Variants in SRC observed in about 807,000 individuals in gnomAD.
The protein encoded by SRC is SRC proto-oncogene, non-receptor tyrosine kinase, also known as proto-oncogene tyrosine-protein kinase Src.
Under a neutral mutation model 62.9 loss-of-function variants are expected in SRC, and 13 were observed. That is an observed-to-expected ratio of 0.21 (90% CI 0.13 to 0.33). The LOEUF (loss-of-function observed/expected upper bound fraction) is 0.33. Ranked by LOEUF, SRC falls within the 10% of genes least tolerant of loss-of-function variation. The pLI is 1.00. For synonymous variants in SRC, 302 were observed against 317.5 expected, an observed-to-expected ratio of 0.95 and a Z score of 0.52; for missense variants, 457 against 737.3, an observed-to-expected ratio of 0.62 and a Z score of 4.40.
intron 1 of SRC, among the ~76,000 whole-genome samples, chr20:37,357,263 A>G (rs898181243): frequency 3.3e-5 from 5 of 152,192 alleles, no homozygotes; most frequent in African/African-American, 9.7e-5. Context: ...GGGAAACGAA[A>G]GTCGGGCTGT....
At chr20:37,371,534 TTTG>T (rs760017963) in intron 2 of SRC, among the ~76,000 whole-genome samples, 44 of 152,100 alleles carry the variant, frequency 2.9e-4, no homozygotes, top group Non-Finnish European at 5.4e-4. Flanking sequence ...ACCTCTTGGT[TTTG>T]TTGATTTTCT....
intron 5 of SRC, among the ~76,000 whole-genome samples, chr20:37,392,849 C>T (rs531340969): frequency 2.0e-5 from 3 of 152,212 alleles, no homozygotes; most frequent in East Asian, 3.9e-4. Flanking sequence ...TCCCCAGCAC[C>T]GCCTGGCTCT....
At chr20:37,365,341 C>T (rs915172686) in intron 2 of SRC, 64 bp downstream of exon 2, 6 of 151,144 alleles carry the variant, frequency 4.0e-5, no homozygotes, top group African/African-American at 1.2e-4. Context: ...CACACACACA[C>T]ACACACACAC....
intron 1 of SRC, among the ~76,000 whole-genome samples, chr20:37,353,181 T>C (rs935102502): frequency 6.6e-6 from 1 of 152,098 alleles, no homozygotes; most frequent in African/African-American, 2.4e-5. Context: ...AGAACCACCG[T>C]AATAAACTTT....
chr20:37,384,283 G>C lies in SRC; in HGVS notation c.130G>C (p.Ala44Pro), dbSNP rs1186378528. Residue 44 changes from alanine to proline, a missense_variant, in exon 4 of 14, where the codon GCC becomes CCC. Coordinates refer to ENST00000373578, the MANE Select transcript of SRC (RefSeq NM_198291.3). This position sits in a 1 kb window ranked among gnomAD's most constrained non-coding sequence, Gnocchi z 6.7. ...ASQTPSKPAS[A>P]DGHRGPSAAF... is the part of the protein sequence containing the mutation. ...GCAGACCCCCAGCAAGCCAGCCTCG[G>C]CCGACGGCCACCGCGGCCCCAGCGC... 1 of 1,516,206 alleles carries C rather than the reference G, an allele frequency of 6.6e-7. No homozygotes were observed. The highest frequency in any genetic ancestry group is 1.4e-5 in the African/African-American group (1 of 69,432). The allele number at this position is 1,516,206 out of a possible 1,614,324, so 93.9% of individuals were successfully genotyped here.
chr20:37,396,586 A>G lies in SRC; in HGVS notation c.703+275A>G. On this transcript the variant is annotated intron_variant, in intron 8 of 13. Coordinates refer to ENST00000373578, the MANE Select transcript of SRC (RefSeq NM_198291.3). The surrounding 1 kb of genome is among the most constrained non-coding windows in gnomAD (Gnocchi z 6.1). Reference sequence around the variant, plus strand: ...CCGCCTTTCTCTGCAGCTGGCTGGTATGGAGGGGGCTGCCCTGAGGAGCCC... The same window carrying G: ...CCGCCTTTCTCTGCAGCTGGCTGGTGTGGAGGGGGCTGCCCTGAGGAGCCC... The G allele has an allele frequency of 3.9e-6, 2 of 519,092 alleles. No individual in the cohort carries two copies. Among genetic ancestry groups the G allele is most frequent in the Admixed American group, 3.3e-5 (1 of 30,732 alleles). 32.2% of individuals were successfully genotyped at this position (519,092 alleles called of 1,614,324 possible).
intron 1 of SRC, among the ~76,000 whole-genome samples, chr20:37,353,098 C>T (rs996893283): frequency 5.9e-5 from 9 of 152,210 alleles, no homozygotes; most frequent in African/African-American, 2.2e-4. Context: ...AAGGGCACAG[C>T]CCTTTACAGT....
rs1198304196 is a variant in SRC, at chr20:37,405,243, T to TA, written c.*1866dup. The TA allele has an allele frequency of 1.9e-4, 43 of 220,666 alleles. No individual in the cohort carries two copies. The South Asian group carries it at 6.4e-3, about 33-fold the overall frequency. The allele number at this position is 220,666 out of a possible 1,614,324, so 13.7% of individuals were successfully genotyped here. On this transcript the variant is annotated 3_prime_UTR_variant, in exon 14 of 14. Coordinates refer to ENST00000373578, the MANE Select transcript of SRC (RefSeq NM_198291.3). The stretch of plus-strand genomic sequence containing the variant: ...CTTAATACTGTCCTTTTTTTTTTTT[T>TA]AACAGTGTTTTGTAGATTTCAGATG...
In SRC at chr20:37,404,816, T is replaced by A. The variant is rs145954552; in HGVS notation, c.*1437T>A. 4.3e-6 allele frequency: 1 copy of A among 233,650 alleles called. No individual in the cohort carries two copies. Among genetic ancestry groups the A allele is most frequent in the African/African-American group, 2.2e-5 (1 of 45,474 alleles). 14.5% of individuals were successfully genotyped at this position (233,650 alleles called of 1,614,324 possible). A position where few individuals can be genotyped will look rare whatever the true frequency, so the allele number is the denominator to read the frequency against. On this transcript the variant is annotated 3_prime_UTR_variant, in exon 14 of 14. Transcript: ENST00000373578. The stretch of plus-strand genomic sequence containing the variant: ...GTGTGTGGTGGATTCTCCCTGGGCC[T>A]CAGTGTGCCCATCTGTAAAGGGGCA...
chr20:37,366,413 C>T (rs1253656189), intron 2 of SRC, among the ~76,000 whole-genome samples: 1 of 152,176 alleles, frequency 6.6e-6, no homozygotes, highest in Non-Finnish European at 1.5e-5. Flanking sequence ...TTAAAGTATA[C>T]AATTCAGTGG....
chr20:37,358,271 A>G (rs1221137720), intron 1 of SRC, among the ~76,000 whole-genome samples: 4 of 152,090 alleles, frequency 2.6e-5, no homozygotes, highest in Admixed American at 1.3e-4. Flanking sequence ...TGTGGGGAGT[A>G]AGGGCATGTG....
intron 2 of SRC, among the ~76,000 whole-genome samples, chr20:37,373,104 A>C (rs1044362302): frequency 7.3e-6 from 1 of 137,014 alleles, no homozygotes; most frequent in African/African-American, 3.4e-5. Context: ...ACATATACAC[A>C]TATATGTACA....
At chr20:37,368,984 C>G (rs2146971699) in intron 2 of SRC, among the ~76,000 whole-genome samples, 1 of 152,276 alleles carries the variant, frequency 6.6e-6, no homozygotes, top group South Asian at 2.1e-4. Context: ...TCTTGGCACC[C>G]TTGCATAAAA....
intron 2 of SRC, among the ~76,000 whole-genome samples, chr20:37,381,465 T>C (rs2070364524): frequency 6.6e-6 from 1 of 152,200 alleles, no homozygotes; most frequent in South Asian, 2.1e-4. Flanking sequence ...TCAACATTTA[T>C]TTTATTCTAA....
rs978529330 is a variant in SRC, at chr20:37,384,806, C to T, written c.250+403C>T. ...AGGGGCAGCTGGGTCGCTCGGGGAA[C>T]GGGGCACCGGATGGCCCCGGTTGGG... On this transcript the variant is annotated intron_variant, in intron 4 of 13. Transcript: ENST00000373578. The surrounding 1 kb of genome is among the most constrained non-coding windows in gnomAD (Gnocchi z 6.7). Among the ~76,000 whole-genome samples, 4 of 152,196 alleles carry T rather than the reference C, an allele frequency of 2.6e-5. No individual in the cohort carries two copies. Among genetic ancestry groups the T allele is most frequent in the African/African-American group, 7.2e-5 (3 of 41,448 alleles).
chr20:37,405,667 T>G lies in SRC; in HGVS notation c.*2288T>G, dbSNP rs147894563. 1 of 159,068 alleles carries G rather than the reference T, an allele frequency of 6.3e-6. No homozygotes were observed. The highest frequency in any genetic ancestry group is 1.4e-5 in the Non-Finnish European group (1 of 71,940). The allele number at this position is 159,068 out of a possible 1,614,324, so 9.9% of individuals were successfully genotyped here. On this transcript the variant is annotated 3_prime_UTR_variant, in exon 14 of 14. Coordinates refer to ENST00000373578, the MANE Select transcript of SRC (RefSeq NM_198291.3). The stretch of plus-strand genomic sequence containing the variant: ...GCACATCACAGGACTTCCCTGAGCA[T>G]GACAAGTTCAGGACTCAAATGTCCG...
At chr20:37,375,529 C>T (rs990813591) in intron 2 of SRC, among the ~76,000 whole-genome samples, 2 of 152,160 alleles carry the variant, frequency 1.3e-5, no homozygotes, top group South Asian at 2.1e-4. Context: ...TGAGCCAACA[C>T]ACCTGGCCAA....
At chr20:37,378,267 A>AT (rs2070307519) in intron 2 of SRC, among the ~76,000 whole-genome samples, 1 of 148,568 alleles carries the variant, frequency 6.7e-6, no homozygotes. Flanking sequence ...GGCTCAAGTG[A>AT]TCCCCCCACC....
At chr20:37,345,410 C>T (rs963936308), upstream of SRC, among the ~76,000 whole-genome samples, 3 of 152,170 alleles carry the variant, frequency 2.0e-5, no homozygotes. Flanking sequence ...AGTGTGACTG[C>T]CACTCAGATG....
Sources: gnomAD v4.1 joint callset for allele counts (sites outside exome capture counted in the v4.1 genomes callset) on GRCh38, gnomAD v4.1.1 for gene constraint, Gnocchi (gnomAD v3.1) non-coding constraint, MANE v1.5 for transcripts, NCBI Gene and HGNC (gene_info 2026-07-23, HGNC 2026-07-21) for gene names.